The following MYO16 variants were observed in gnomAD, a reference collection of about 807,000 sequenced individuals.
MYO16 encodes the protein unconventional myosin-XVI.
Under a neutral mutation model 205.3 loss-of-function variants are expected in MYO16, and 94 were observed. The ratio of observed to expected loss-of-function variants is 0.46; its 90% CI spans 0.39 to 0.54. MYO16 has a LOEUF of 0.54. Among genes scored for constraint, MYO16 ranks in the 20% least tolerant of loss-of-function variants. The pLI is 0.00. For synonymous variants in MYO16, 988 were observed against 954.0 expected, an observed-to-expected ratio of 1.04 and a Z score of -0.66; for missense variants, 2,315 against 2,387.5, an observed-to-expected ratio of 0.97 and a Z score of 0.63.
At chr13:108,895,219 G>C (rs1156617900) in intron 14 of MYO16, among the ~76,000 whole-genome samples, 1 of 151,044 alleles carries the variant, frequency 6.6e-6, no homozygotes, top group Non-Finnish European at 1.5e-5. Flanking sequence ...CAAAAAAAAA[G>C]TCAATAAAAT....
At chr13:109,017,787 T>C (rs890122290) in intron 22 of MYO16, among the ~76,000 whole-genome samples, 2 of 152,198 alleles carry the variant, frequency 1.3e-5, no homozygotes, top group Non-Finnish European at 2.9e-5. Context: ...CGTCACGTAG[T>C]TTTCATGCCA....
intron 11 of MYO16, among the ~76,000 whole-genome samples, chr13:108,859,387 G>A (rs544302690): frequency 6.6e-6 from 1 of 152,178 alleles, no homozygotes; most frequent in Non-Finnish European, 1.5e-5. Context: ...CCAAATAACT[G>A]AGGGTTGAGC....
At chr13:108,931,514 G>A (rs767428086) in intron 16 of MYO16, among the ~76,000 whole-genome samples, 4 of 152,030 alleles carry the variant, frequency 2.6e-5, no homozygotes, top group South Asian at 2.1e-4. Flanking sequence ...GGTAGTCCCC[G>A]CACCCCACTT....
chr13:108,925,566 T>C (rs1881960910), intron 16 of MYO16, among the ~76,000 whole-genome samples: 1 of 152,194 alleles, frequency 6.6e-6, no homozygotes. Flanking sequence ...AAGAACCTGG[T>C]TCCCCCACCA....
chr13:108,578,557 T>C, the MYO16 span, among the ~76,000 whole-genome samples: 1 of 152,152 alleles, frequency 6.6e-6, no homozygotes, highest in Non-Finnish European at 1.5e-5. Flanking sequence ...GCTGTGTACT[T>C]ATAAAGACTC....
chr13:108,898,343 G>GGTGTGT (rs1303223685), intron 15 of MYO16, among the ~76,000 whole-genome samples: 1 of 67,392 alleles, frequency 1.5e-5, no homozygotes, highest in African/African-American at 5.4e-5. Context: ...CTCAGTTGAG[G>GGTGTGT]GTGTGTGAGT....
At chr13:108,904,923 A>C (rs1290454427) in intron 15 of MYO16, among the ~76,000 whole-genome samples, 4 of 152,220 alleles carry the variant, frequency 2.6e-5, no homozygotes, top group Non-Finnish European at 4.4e-5. Context: ...TTTTTTATAT[A>C]GTACACAAAA....
intron 3 of MYO16, among the ~76,000 whole-genome samples, chr13:108,713,871 C>T (rs1161824708): frequency 6.6e-6 from 1 of 152,120 alleles, no homozygotes; most frequent in Non-Finnish European, 1.5e-5. Context: ...GGTTATGAAA[C>T]GTCTCTGTTT....
At chr13:108,992,285 T>C (rs1884861505) in intron 20 of MYO16, 91 bp from the exon 21 acceptor site, 1 of 826,516 alleles carries the variant, frequency 1.2e-6, no homozygotes, top group Non-Finnish European at 1.9e-6. Context: ...ATGTGCTAAG[T>C]GGCTGGATTC....
At chr13:108,602,609 C>T (rs1380462348) in intron 1 of MYO16, among the ~76,000 whole-genome samples, 1 of 152,058 alleles carries the variant, frequency 6.6e-6, no homozygotes, top group Non-Finnish European at 1.5e-5. Context: ...CAACTGTGGC[C>T]TAGAGTCTTG....
intron 12 of MYO16, among the ~76,000 whole-genome samples, chr13:108,882,095 C>T (rs1296118281): frequency 2.0e-5 from 3 of 152,190 alleles, no homozygotes; most frequent in Non-Finnish European, 4.4e-5. Flanking sequence ...AATAGCAGAT[C>T]CCTGAGCATC....
At chr13:108,697,053 G>A (rs1883120670) in intron 2 of MYO16, among the ~76,000 whole-genome samples, 1 of 151,754 alleles carries the variant, frequency 6.6e-6, no homozygotes, top group African/African-American at 2.4e-5. Flanking sequence ...TAGTCTGGCA[G>A]GGCAAACTTT....
chr13:108,509,799 A>T, the MYO16 span, among the ~76,000 whole-genome samples: 1 of 152,218 alleles, frequency 6.6e-6, no homozygotes, highest in Non-Finnish European at 1.5e-5. Context: ...AAGTATAATA[A>T]TAATAAAAAA....
At chr13:109,017,891 C>A (rs1228393705) in intron 22 of MYO16, among the ~76,000 whole-genome samples, 1 of 152,120 alleles carries the variant, frequency 6.6e-6, no homozygotes, top group South Asian at 2.1e-4. Context: ...TTTTTAGCTT[C>A]TTTGTGATGG....
chr13:108,682,292 A>T (rs1882493988), intron 2 of MYO16, among the ~76,000 whole-genome samples: 2 of 152,210 alleles, frequency 1.3e-5, no homozygotes, highest in South Asian at 4.1e-4. Flanking sequence ...CCGTTCCTTG[A>T]ATACAGTGGT....
chr13:109,024,878 T>A (rs934853722), intron 23 of MYO16, among the ~76,000 whole-genome samples: 6 of 152,150 alleles, frequency 3.9e-5, no homozygotes, highest in Non-Finnish European at 7.3e-5. Flanking sequence ...TGTAGACACA[T>A]ACACTTAAAT....
At chr13:108,970,090 T>C (rs925085170) in intron 20 of MYO16, among the ~76,000 whole-genome samples, 2 of 152,238 alleles carry the variant, frequency 1.3e-5, no homozygotes, top group African/African-American at 4.8e-5. Context: ...TTAAAATTAC[T>C]GTTGATCTGA....
In MYO16 at chr13:108,846,970, G is replaced by A. The variant is rs1011247405; in HGVS notation, c.1248+2477G>A. Among the ~76,000 whole-genome samples, 8 of 152,052 alleles carry A rather than the reference G, an allele frequency of 5.3e-5. 1 individual carries two copies. Among genetic ancestry groups the A allele is most frequent in the Admixed American group, 2.6e-4 (4 of 15,266 alleles). ...TTTGCTTTCAAGCTGTATTAATTAG[G>A]TGTTTGAGTTTAGCAGTAGTAAGTA... On this transcript the variant is annotated intron_variant, in intron 10 of 34. Transcript: ENST00000457511.
intron 31 of MYO16, among the ~76,000 whole-genome samples, chr13:109,137,157 C>A (rs1876815986): frequency 6.6e-6 from 1 of 152,162 alleles, no homozygotes; most frequent in Non-Finnish European, 1.5e-5. Context: ...CTCTACAGTG[C>A]CCACAGCATG....
Sources: allele counts gnomAD v4.1 joint callset (sites outside exome capture counted in the v4.1 genomes callset), GRCh38; gene constraint gnomAD v4.1.1; transcripts MANE v1.5; gene names NCBI Gene and HGNC (gene_info 2026-07-23, HGNC 2026-07-21).